CKAP5: variants seen among roughly 807,000 people sequenced by gnomAD.
The protein encoded by CKAP5 is cytoskeleton-associated protein 5.
Under a neutral mutation model 232.8 loss-of-function variants are expected in CKAP5, and 27 were observed. The observed-to-expected ratio is 0.12, with a 90% CI of 0.09 to 0.16. CKAP5 has a LOEUF of 0.16. CKAP5 is among the 10% of genes least tolerant of loss of function. The pLI, the probability that CKAP5 is intolerant of heterozygous loss-of-function variation, is 1.00. For synonymous variants in CKAP5, 785 were observed against 841.1 expected, an observed-to-expected ratio of 0.93 and a Z score of 1.16; for missense variants, 1,838 against 2,424.7, an observed-to-expected ratio of 0.76 and a Z score of 5.08.
intron 42 of CKAP5, among the ~76,000 whole-genome samples, chr11:46,748,540 C>T (rs949486025): frequency 1.3e-5 from 2 of 152,000 alleles, no homozygotes; most frequent in Non-Finnish European, 2.9e-5. Context: ...TTTGGGAGGC[C>T]GAAGTGGGCG....
chr11:46,780,659 C>A (rs1273175247), intron 18 of CKAP5, among the ~76,000 whole-genome samples, 174 bp from the exon 19 acceptor site: 3 of 152,164 alleles, frequency 2.0e-5, no homozygotes, highest in African/African-American at 7.2e-5. Flanking sequence ...TGCTCTGTCA[C>A]CTAGGCTACA....
At chr11:46,773,959 C>A (rs763877164) in intron 24 of CKAP5, among the ~76,000 whole-genome samples, 4 of 152,112 alleles carry the variant, frequency 2.6e-5, no homozygotes, top group Non-Finnish European at 5.9e-5. Flanking sequence ...TGAAAACCGG[C>A]ATAAGACAAG....
chr11:46,775,565 A>G (rs1238955688), intron 24 of CKAP5, among the ~76,000 whole-genome samples: 2 of 152,224 alleles, frequency 1.3e-5, no homozygotes, highest in Non-Finnish European at 2.9e-5. Flanking sequence ...AAGACTCGGA[A>G]CCAACCCAAA....
At chr11:46,788,204 C>T (rs1248034140) in intron 16 of CKAP5, among the ~76,000 whole-genome samples, 1 of 152,152 alleles carries the variant, frequency 6.6e-6, no homozygotes, top group Non-Finnish European at 1.5e-5. Flanking sequence ...GGGGTAGTAC[C>T]CCTAATCACC....
intron 31 of CKAP5, 56 bp from the exon 32 acceptor site, chr11:46,762,249 T>C: frequency 6.5e-7 from 1 of 1,529,952 alleles, no homozygotes. Flanking sequence ...GACAGAGACT[T>C]ATCCTTACTA....
At chr11:46,817,139 A>G (rs1939421414) in intron 3 of CKAP5, among the ~76,000 whole-genome samples, 1 of 151,078 alleles carries the variant, frequency 6.6e-6, no homozygotes, top group Non-Finnish European at 1.5e-5. Flanking sequence ...AGAGAGAGAC[A>G]GGGTCTTGTG....
intron 35 of CKAP5, among the ~76,000 whole-genome samples, chr11:46,757,266 G>A (rs928116280): frequency 6.6e-6 from 1 of 151,564 alleles, no homozygotes; most frequent in African/African-American, 2.4e-5. Context: ...GCCGAGGCAG[G>A]TGGATCACCT....
chr11:46,743,856 G>T lies in CKAP5; in HGVS notation c.*167C>A. 1.3e-6 allele frequency: 1 copy of T among 793,498 alleles called. No homozygotes were observed. Among genetic ancestry groups the T allele is most frequent in the Non-Finnish European group, 2.0e-6 (1 of 502,934 alleles). The allele number at this position is 793,498 out of a possible 1,614,324, so 49.2% of individuals were successfully genotyped here. On this transcript the variant is annotated 3_prime_UTR_variant, in exon 44 of 44. Transcript: ENST00000529230. Reference sequence around the variant, plus strand: ...AGCAGCAGGACGCTGACAGAGAGAAGCAGAGTATGTACAAATACTTGTGCC... The same window carrying T: ...AGCAGCAGGACGCTGACAGAGAGAATCAGAGTATGTACAAATACTTGTGCC...
rs869157048 is a variant in CKAP5, at chr11:46,743,733, TAAAA to T, written c.*286_*289del. On this transcript the variant is annotated 3_prime_UTR_variant, in exon 44 of 44. Transcript: ENST00000529230. ...TAGGACAATTTTACAAATGAGCAAT[TAAAA>T]AGAAAAGAAAAGGATCTGGGAACTA... 1 of 255,668 alleles carries T rather than the reference TAAAA, an allele frequency of 3.9e-6. No homozygotes were observed. The highest frequency in any genetic ancestry group is 5.6e-5 in the East Asian group (1 of 18,012). 15.8% of individuals were successfully genotyped at this position (255,668 alleles called of 1,614,324 possible).
chr11:46,751,204 CCTCCAGCTCAGA>C lies in CKAP5; in HGVS notation c.5362_5373del (p.Ser1788_Glu1791del). 1 of 1,614,180 alleles carries C rather than the reference CCTCCAGCTCAGA, an allele frequency of 6.2e-7. No homozygotes were observed. Among genetic ancestry groups the C allele is most frequent in the Non-Finnish European group, 8.5e-7 (1 of 1,180,042 alleles). On this transcript the variant is annotated inframe_deletion, in exon 40 of 44. Transcript: ENST00000529230. The stretch of plus-strand genomic sequence containing the variant: ...TGCTTCATCATCCGGCAGAGATGGG[CCTCCAGCTCAGA>C]CTCGTTTTTGTTGTCGATCATCGTT...
chr11:46,751,856 T>C (rs190048532), intron 38 of CKAP5, among the ~76,000 whole-genome samples: 29 of 152,246 alleles, frequency 1.9e-4, no homozygotes, highest in African/African-American at 6.5e-4. Context: ...TAGTTCATGT[T>C]GCTTAACCAA....
Position 46,767,663 on chromosome 11 carries a change from G to T in CKAP5, c.3323C>A (p.Ala1108Glu). Reference sequence around the variant, plus strand: ...GCTGGAAATACAATCTTCAGCAGGTGCTTTGAGGAAAAAAATATATATATA... The same window carrying T: ...GCTGGAAATACAATCTTCAGCAGGTTCTTTGAGGAAAAAAATATATATATA... ...SAPAKFQPASAPAEDCISSST... is the reference protein window; with the variant it reads ...SAPAKFQPASEPAEDCISSST... Residue 1108 changes from alanine to glutamate, a missense_variant and splice_region_variant, in exon 27 of 44, where the codon GCA becomes GAA. This residue lies in a region of CKAP5 where 767 missense variants were observed against 954.6 expected (regional missense o/e 0.80). Transcript: ENST00000529230. The T allele has an allele frequency of 6.3e-7, 1 of 1,599,562 alleles. No homozygotes were observed.
Position 46,812,990 on chromosome 11 carries a change from T to G in CKAP5, c.459-1812A>C, listed in dbSNP as rs992517202. On this transcript the variant is annotated intron_variant, in intron 4 of 43. Transcript: ENST00000529230. ...ATTTTTGAGATAGTGTCTCACTCTG[T>G]TAACCAGGCTGGAGTACAGTGACAC... 7.2e-5 allele frequency among the ~76,000 whole-genome samples: 11 copies of G among 152,162 alleles called. No homozygotes were observed. The South Asian group carries it at 2.3e-3, about 32-fold the overall frequency.
intron 36 of CKAP5, 70 bp from the exon 37 acceptor site, chr11:46,753,567 A>G: frequency 9.1e-7 from 1 of 1,096,800 alleles, no homozygotes; most frequent in Non-Finnish European, 1.3e-6. Context: ...TGGGTGGCAT[A>G]TTCTGATAAA....
chr11:46,800,994 A>G (rs572660883), intron 9 of CKAP5, among the ~76,000 whole-genome samples: 3 of 152,356 alleles, frequency 2.0e-5, no homozygotes, highest in East Asian at 3.9e-4. Context: ...GACTTTCTAC[A>G]TAAGGCCTAT....
chr11:46,762,711 G>A lies in CKAP5; in HGVS notation c.3943C>T (p.Arg1315Trp), dbSNP rs761271827. 17 of 1,613,814 alleles carry A rather than the reference G, an allele frequency of 1.1e-5. No homozygotes were observed. The highest frequency in any genetic ancestry group is 1.4e-5 in the Non-Finnish European group (17 of 1,179,712). ...IRKDVRAILNRMCLVYPASKM... is the reference protein window; with the variant it reads ...IRKDVRAILNWMCLVYPASKM... ...CTAGCTGGGTAGACAAGGCACATCC[G>A]GTTCAGGATGGCACGAACATCTTTA... Residue 1315 changes from arginine (R) to tryptophan (W), a missense_variant, in exon 31 of 44, where the codon CGG becomes TGG. By Grantham distance (101) the Arg-to-Trp change is moderately radical. This residue lies in a region of CKAP5 where 579 missense variants were observed against 843.2 expected (regional missense o/e 0.69). Coordinates refer to ENST00000529230, the MANE Select transcript of CKAP5 (RefSeq NM_001008938.4).
At chr11:46,793,913 C>T (rs1592462120) in intron 13 of CKAP5, among the ~76,000 whole-genome samples, 1 of 150,242 alleles carries the variant, frequency 6.7e-6, no homozygotes, top group Non-Finnish European at 1.5e-5. Context: ...GGTGACAGTG[C>T]AAGACTCCAC....
chr11:46,818,407 A>G lies in CKAP5; in HGVS notation c.154T>C (p.Leu52=), dbSNP rs367797846. 17 of 1,611,894 alleles carry G rather than the reference A, an allele frequency of 1.1e-5. No individual in the cohort carries two copies. The African/African-American group carries it at 2.1e-4, about 20-fold the overall frequency. ...KSPEWSKFLG[L]IKKFVTDSNA... ...GAATCAGTGACAAATTTTTTGATCA[A>G]TCCTAAAAATTTGGACCACTCTGGG... Residue 52 remains leucine (L), a synonymous_variant, in exon 3 of 44, where the codon TTG becomes CTG. Coordinates refer to ENST00000529230, the MANE Select transcript of CKAP5 (RefSeq NM_001008938.4).
chr11:46,767,587 G>A lies in CKAP5; in HGVS notation c.3399C>T (p.Ser1133=). The change falls in exon 27 of 44, where the codon TCC becomes TCT. Residue 1133 remains serine, a synonymous_variant. Transcript: ENST00000529230. ...AGAGTTAACATACCTTTGCTTTAGA[G>A]GATAATCCTGGAGCTTTGGCCTTTT... ...DPKKAKAPGL[S]SKAKSAQGKK... 1 of 1,610,208 alleles carries A rather than the reference G, an allele frequency of 6.2e-7. No homozygotes were observed. The highest frequency in any genetic ancestry group is 8.5e-7 in the Non-Finnish European group (1 of 1,177,026).
Sources: gnomAD v4.1 joint callset for allele counts (sites outside exome capture counted in the v4.1 genomes callset) on GRCh38, gnomAD v4.1.1 for gene constraint, gnomAD v4.1.1 regional missense constraint, MANE v1.5 for transcripts, NCBI Gene and HGNC (gene_info 2026-07-23, HGNC 2026-07-21) for gene names.